CDX1: variants seen among roughly 807,000 people sequenced by gnomAD.
The protein encoded by CDX1 is caudal type homeobox 1, also known as homeobox protein CDX-1.
Under a neutral mutation model 16.9 loss-of-function variants are expected in CDX1, and 9 were observed. The observed-to-expected ratio is 0.53, with a 90% CI of 0.32 to 0.93. CDX1 has a LOEUF of 0.93. Ranked by LOEUF, CDX1 falls within the 40% of genes least tolerant of loss-of-function variation. The pLI, the probability that CDX1 is intolerant of heterozygous loss-of-function variation, is 0.04. For missense variants in CDX1, 393 were observed against 386.1 expected (o/e 1.02, Z -0.15); for synonymous variants, 179 against 179.0 (o/e 1.00, Z 0.00).
chr5:150,174,668 T>C (rs1380004983), intron 1 of CDX1, among the ~76,000 whole-genome samples: 3 of 152,214 alleles, frequency 2.0e-5, no homozygotes, highest in East Asian at 1.9e-4. Flanking sequence ...TTAATGTGGC[T>C]AGTTGCTGTC....
intron 1 of CDX1, among the ~76,000 whole-genome samples, chr5:150,181,904 C>T (rs781704593): frequency 5.3e-5 from 8 of 152,300 alleles, no homozygotes; most frequent in African/African-American, 4.8e-5. Flanking sequence ...CTCTCCTGCC[C>T]GGTGCCTGGA....
chr5:150,171,481 G>A (rs922262578), intron 1 of CDX1, among the ~76,000 whole-genome samples: 3 of 152,172 alleles, frequency 2.0e-5, no homozygotes, highest in Admixed American at 6.5e-5. Flanking sequence ...GACTACAAGC[G>A]CACGCTGTCA....
intron 1 of CDX1, among the ~76,000 whole-genome samples, chr5:150,169,935 C>A (rs1761482493): frequency 6.6e-6 from 1 of 152,198 alleles, no homozygotes; most frequent in East Asian, 1.9e-4. Context: ...GGCTAGATGT[C>A]AGAAGAATTG....
Position 150,183,477 on chromosome 5 carries a change from A to G in CDX1, c.595A>G (p.Lys199Glu). 1.2e-6 allele frequency: 2 copies of G among 1,600,132 alleles called. No individual in the cohort carries two copies. Among genetic ancestry groups the G allele is most frequent in the South Asian group, 1.1e-5 (1 of 88,808 alleles). Residue 199 changes from lysine to glutamate, a missense_variant, in exon 3 of 3, where the codon AAG (lysine) becomes GAG (glutamate). By Grantham distance (56) the Lys-to-Glu change is moderately conservative. Coordinates refer to ENST00000231656, the MANE Select transcript of CDX1 (RefSeq NM_001804.3). ...TCTCTGTCCTCCAACCCCACAGGTG[A>G]AGATCTGGTTCCAAAACCGGCGGGC... Reference protein sequence around the residue: ...ANLGLTERQVKIWFQNRRAKE... With the variant: ...ANLGLTERQVEIWFQNRRAKE...
chr5:150,183,431 C>A lies in CDX1; in HGVS notation c.592-43C>A, dbSNP rs370986045. On this transcript the variant is annotated intron_variant, in intron 2 of 2. Transcript: ENST00000231656. ...TCCTTCTTGCACTCTCTCTTTCACT[C>A]TCTCCCTGCTGCCCACTCCATCTCT... is the stretch of plus-strand genomic sequence containing the variant. The A allele has an allele frequency of 1.9e-5, 29 of 1,512,762 alleles. No individual in the cohort carries two copies. The Admixed American group carries it at 3.9e-4, about 20-fold the overall frequency. The allele number at this position is 1,512,762 out of a possible 1,614,324, so 93.7% of individuals were successfully genotyped here. A position where few individuals can be genotyped will look rare whatever the true frequency, so the allele number is the denominator to read the frequency against.
chr5:150,170,736 G>C (rs1761494508), intron 1 of CDX1, among the ~76,000 whole-genome samples: 1 of 152,174 alleles, frequency 6.6e-6, no homozygotes. Context: ...GTGACAATGG[G>C]AAAGATGAGA....
At chr5:150,171,775 G>A (rs1484778384) in intron 1 of CDX1, among the ~76,000 whole-genome samples, 2 of 152,226 alleles carry the variant, frequency 1.3e-5, no homozygotes, top group African/African-American at 2.4e-5. Flanking sequence ...GCCAGGGCTT[G>A]GGAGTCTCAG....
Position 150,167,335 on chromosome 5 carries a change from C to T in CDX1, c.445+14C>T, listed in dbSNP as rs780296033. On this transcript the variant is annotated intron_variant, in intron 1 of 2. Coordinates refer to ENST00000231656, the MANE Select transcript of CDX1 (RefSeq NM_001804.3). ...GCGGTGGCAGCGGTAAGGACCCTTC[C>T]CTCGCCCTGCGCCTCTGGACCTGCA... 33 of 1,247,116 alleles carry T rather than the reference C, an allele frequency of 2.6e-5. No individual in the cohort carries two copies. In the South Asian group the frequency reaches 9.7e-4, roughly 37 times the overall value. 77.3% of individuals were successfully genotyped at this position (1,247,116 alleles called of 1,614,324 possible). A position where few individuals can be genotyped will look rare whatever the true frequency, so the allele number is the denominator to read the frequency against.
At chr5:150,173,392 C>T (rs948501129) in intron 1 of CDX1, among the ~76,000 whole-genome samples, 2 of 152,140 alleles carry the variant, frequency 1.3e-5, no homozygotes, top group African/African-American at 4.8e-5. Context: ...GTACCTACTG[C>T]TCACTCTCCC....
At chr5:150,169,531 T>C (rs1421972678) in intron 1 of CDX1, among the ~76,000 whole-genome samples, 4 of 152,086 alleles carry the variant, frequency 2.6e-5, no homozygotes, top group African/African-American at 9.7e-5. Flanking sequence ...CATCTGACTG[T>C]CTATTCAGTG....
At chr5:150,173,613 C>A (rs1237041785) in intron 1 of CDX1, among the ~76,000 whole-genome samples, 1 of 152,228 alleles carries the variant, frequency 6.6e-6, no homozygotes, top group Non-Finnish European at 1.5e-5. Context: ...TAATCTACCT[C>A]CCCTGCCATG....
intron 2 of CDX1, 48 bp from the exon 3 acceptor site, chr5:150,183,414 GCACTCTCTCTTT>G (rs1275069934): frequency 1.4e-6 from 2 of 1,430,796 alleles, no homozygotes; most frequent in East Asian, 2.4e-5. Flanking sequence ...TCTCCTTCTT[GCACTCTCTCTTT>G]CACTCTCTCC....
chr5:150,177,448 A>G (rs1423746300), intron 1 of CDX1, among the ~76,000 whole-genome samples: 2 of 152,236 alleles, frequency 1.3e-5, no homozygotes, highest in African/African-American at 4.8e-5. Flanking sequence ...GACATTGTCC[A>G]TCTATCTCAA....
chr5:150,180,244 G>T (rs757387457), intron 1 of CDX1, among the ~76,000 whole-genome samples: 1 of 152,226 alleles, frequency 6.6e-6, no homozygotes, highest in Non-Finnish European at 1.5e-5. Context: ...CCAAGGAGGG[G>T]CCCAATCTGG....
rs538063210 is a variant in CDX1 at position 150,172,288 on chromosome 5, A to C, written c.445+4967A>C. On this transcript the variant is annotated intron_variant, in intron 1 of 2. Coordinates refer to ENST00000231656, the MANE Select transcript of CDX1 (RefSeq NM_001804.3). ...CAGTCCCATCCTCACCCTGTCTTGC[A>C]CATAGTAAGAGCTCGTGATAAAGCA... Among the ~76,000 whole-genome samples, 10 of 152,354 alleles carry C rather than the reference A, an allele frequency of 6.6e-5. No individual in the cohort carries two copies. In the South Asian group the frequency reaches 1.9e-3, roughly 28 times the overall value.
intron 1 of CDX1, among the ~76,000 whole-genome samples, chr5:150,178,179 G>T (rs774602090): frequency 6.6e-6 from 1 of 152,184 alleles, no homozygotes; most frequent in African/African-American, 2.4e-5. Context: ...GGCCTGTACC[G>T]TGCATGCATT....
rs1752440500 is a variant in CDX1 at position 150,181,745 on chromosome 5, C to T, written c.446-1023C>T. Among the ~76,000 whole-genome samples the T allele has an allele frequency of 2.0e-5, 3 of 152,172 alleles. No individual in the cohort carries two copies. The South Asian group carries it at 6.2e-4, about 32-fold the overall frequency. On this transcript the variant is annotated intron_variant, in intron 1 of 2. Transcript: ENST00000231656. ...CTGAAACACTTATCAACTAGTGTAT[C>T]AAATATTTTATGTTTATTTTTCTTT... is the stretch of plus-strand genomic sequence containing the variant.
At chr5:150,169,219 T>G (rs1761472678) in intron 1 of CDX1, among the ~76,000 whole-genome samples, 1 of 151,952 alleles carries the variant, frequency 6.6e-6, no homozygotes, top group Non-Finnish European at 1.5e-5. Flanking sequence ...TGGAGGAGTT[T>G]CCAGGAGCTT....
At chr5:150,176,520 C>T (rs1030812365) in intron 1 of CDX1, among the ~76,000 whole-genome samples, 1 of 152,050 alleles carries the variant, frequency 6.6e-6, no homozygotes, top group South Asian at 2.1e-4. Flanking sequence ...GGCTGGAGGG[C>T]GTGTGGGGCA....
Sources: allele counts gnomAD v4.1 joint callset (sites outside exome capture counted in the v4.1 genomes callset), GRCh38; gene constraint gnomAD v4.1.1; transcripts MANE v1.5; gene names NCBI Gene and HGNC (gene_info 2026-07-23, HGNC 2026-07-21).